Variants in CEP350 observed in about 807,000 individuals in gnomAD.
CEP350 encodes the protein centrosomal protein 350.
Under a neutral mutation model 331.8 loss-of-function variants are expected in CEP350, and 126 were observed. The ratio of observed to expected loss-of-function variants is 0.38; its 90% CI spans 0.33 to 0.44. CEP350 has a LOEUF of 0.44. Ranked by LOEUF, CEP350 falls within the 20% of genes least tolerant of loss-of-function variation. CEP350 has a pLI of 1.00. For missense variants in CEP350, 3,406 were observed against 3,634.6 expected, an observed-to-expected ratio of 0.94 and a Z score of 1.62; for synonymous variants, 1,200 against 1,259.5, an observed-to-expected ratio of 0.95 and a Z score of 1.00.
intron 31 of CEP350, chr1:180,085,915 C>T (rs1220051015): frequency 1.3e-5 from 2 of 152,078 alleles, no homozygotes; most frequent in Admixed American, 1.3e-4. Context: ...TTCATTTAAT[C>T]CTCACAACAA....
rs1414170511 is a variant in CEP350 at position 180,073,993 on chromosome 1, C to A, written c.5568-1029C>A. ...GTTTTGTTTGCTTTTCTCTCTCTCT[C>A]TCTTTTTTTTTAATAGCCTGGAGGC... On this transcript the variant is annotated intron_variant, in intron 27 of 37. Coordinates refer to ENST00000367607, the MANE Select transcript of CEP350 (RefSeq NM_014810.5). 3 of 1,201,046 alleles carry A rather than the reference C, an allele frequency of 2.5e-6. No individual in the cohort carries two copies. The African/African-American group carries it at 4.8e-5, about 19-fold the overall frequency. 74.4% of individuals were successfully genotyped at this position (1,201,046 alleles called of 1,614,324 possible). A position where few individuals can be genotyped will look rare whatever the true frequency, so the allele number is the denominator to read the frequency against.
Position 179,954,846 on chromosome 1 carries a change from A to G in CEP350, c.-310A>G. The G allele has an allele frequency of 2.3e-6, 1 of 433,328 alleles. No individual in the cohort carries two copies. Among genetic ancestry groups the G allele is most frequent in the South Asian group, 5.8e-5 (1 of 17,106 alleles). The allele number at this position is 433,328 out of a possible 1,614,324, so 26.8% of individuals were successfully genotyped here. A position where few individuals can be genotyped will look rare whatever the true frequency, so the allele number is the denominator to read the frequency against. The stretch of plus-strand genomic sequence containing the variant: ...TGTAATGGCGACTGGGCCGCCCCTG[A>G]CGAAGTGACTCCCGGGCCGGGGAGC... On this transcript the variant is annotated 5_prime_UTR_variant, in exon 1 of 38. Transcript: ENST00000367607.
chr1:179,998,303 C>CAA lies in CEP350; in HGVS notation c.1018+1128_1018+1129insAA, dbSNP rs1653611650. Among the ~76,000 whole-genome samples, 68 of 112,066 alleles carry CAA rather than the reference C, an allele frequency of 6.1e-4. No homozygotes were observed. The South Asian group carries it at 0.017, about 28-fold the overall frequency. 73.5% of individuals were successfully genotyped at this position (112,066 alleles called of 152,430 possible). On this transcript the variant is annotated intron_variant, in intron 6 of 37. Coordinates refer to ENST00000367607, the MANE Select transcript of CEP350 (RefSeq NM_014810.5). The stretch of plus-strand genomic sequence containing the variant: ...TATAATAATTTGTTTCTTCTATTTT[C>CAA]TTTTTTTTTTTTTTTTTTTTTTTAA...
At position 180,078,512 on chromosome 1, in the gene CEP350, C is replaced by T; in HGVS notation, c.5817C>T (p.Asn1939=). The change falls in exon 29 of 38, where the codon AAC becomes AAT. Residue 1939 remains asparagine, a synonymous_variant. Coordinates refer to ENST00000367607, the MANE Select transcript of CEP350 (RefSeq NM_014810.5). The part of the protein sequence containing the change: ...ESPVPLYSHL[N]SESSIPEELG... ...CAGTACCTCTGTACTCTCATCTAAA[C>T]AGTGAAAGCTCCATTCCAGAAGAAT... The T allele has an allele frequency of 6.2e-7, 1 of 1,613,554 alleles. No individual in the cohort carries two copies. The highest frequency in any genetic ancestry group is 2.2e-5 in the East Asian group (1 of 44,852).
chr1:180,083,068 A>G (rs779746750), intron 30 of CEP350, among the ~76,000 whole-genome samples: 3 of 152,208 alleles, frequency 2.0e-5, no homozygotes, highest in Non-Finnish European at 4.4e-5. Context: ...CATTTAAATA[A>G]CTTCCATAAC....
intron 14 of CEP350, among the ~76,000 whole-genome samples, chr1:180,027,340 T>C (rs1253132501): frequency 1.3e-5 from 2 of 152,216 alleles, no homozygotes; most frequent in African/African-American, 4.8e-5. Context: ...AAATAAACTC[T>C]AGACCCATTA....
At chr1:180,065,398 G>A (rs760311429) in intron 27 of CEP350, 126 bp downstream of exon 27, 3 of 966,886 alleles carry the variant, frequency 3.1e-6, no homozygotes, top group Non-Finnish European at 4.4e-6. Context: ...TAGCATTTTA[G>A]CAGAATTGTT....
rs756278179 is a variant in CEP350 at position 179,991,707 on chromosome 1, GTA to G, written c.236-338_236-337del. On this transcript the variant is annotated intron_variant, in intron 4 of 37. Coordinates refer to ENST00000367607, the MANE Select transcript of CEP350 (RefSeq NM_014810.5). ...TGTGTGTGTGTGTGTGTGTGTGTGT[GTA>G]TATATATATATATATACATTTTTTT... Among the ~76,000 whole-genome samples, 586 of 96,960 alleles carry G rather than the reference GTA, an allele frequency of 6.0e-3. 6 individuals carry two copies. Among genetic ancestry groups the G allele is most frequent in the African/African-American group, 0.021 (540 of 26,270 alleles). 63.6% of individuals were successfully genotyped at this position (96,960 alleles called of 152,430 possible).
intron 1 of CEP350, among the ~76,000 whole-genome samples, chr1:179,983,939 C>G (rs558940595): frequency 3.5e-4 from 53 of 152,226 alleles, no homozygotes; most frequent in African/African-American, 1.2e-3. Context: ...CTACCAAATT[C>G]AAATTAAAGC....
intron 30 of CEP350, among the ~76,000 whole-genome samples, chr1:180,081,514 C>T (rs1659564378): frequency 6.6e-6 from 1 of 152,136 alleles, no homozygotes; most frequent in African/African-American, 2.4e-5. Flanking sequence ...CATATGTATG[C>T]AGTCATGCAT....
chr1:180,051,254 G>C (rs913907771), intron 22 of CEP350, among the ~76,000 whole-genome samples: 1 of 152,062 alleles, frequency 6.6e-6, no homozygotes. Context: ...ACAGTCCTCC[G>C]CTCTACCAGA....
At chr1:180,005,881 T>TTTAAA (rs1215612400) in intron 7 of CEP350, among the ~76,000 whole-genome samples, 1 of 152,212 alleles carries the variant, frequency 6.6e-6, no homozygotes, top group Non-Finnish European at 1.5e-5. Flanking sequence ...CTACACATAT[T>TTTAAA]TTAAAGTACA....
At chr1:180,008,070 T>C (rs1233391964) in intron 8 of CEP350, among the ~76,000 whole-genome samples, 3 of 152,188 alleles carry the variant, frequency 2.0e-5, no homozygotes, top group Non-Finnish European at 2.9e-5. Flanking sequence ...GTAATTTTTA[T>C]GTTGTGAACT....
chr1:180,050,664 C>CA (rs1657430131), intron 22 of CEP350, among the ~76,000 whole-genome samples: 7 of 55,280 alleles, frequency 1.3e-4, no homozygotes, highest in Non-Finnish European at 1.8e-4. Flanking sequence ...ATTCTGTCTC[C>CA]AAAAAAACCA....
intron 17 of CEP350, among the ~76,000 whole-genome samples, chr1:180,040,843 A>G (rs962376066): frequency 5.3e-5 from 8 of 152,142 alleles, no homozygotes; most frequent in African/African-American, 1.9e-4. Flanking sequence ...TATCCCTTCC[A>G]AAAAGTTGGG....
intron 33 of CEP350, among the ~76,000 whole-genome samples, chr1:180,091,906 G>C (rs899870992): frequency 5.9e-5 from 9 of 151,880 alleles, no homozygotes; most frequent in Non-Finnish European, 1.3e-4. Context: ...TAGAGATTTG[G>C]CCAGGCACAG....
chr1:180,062,232 C>T lies in CEP350; in HGVS notation c.5275C>T (p.Arg1759Cys), dbSNP rs768460326. Reference sequence around the variant, plus strand: ...CTTTAAACCTTAGGCAGAAATAAAACGTCTTCAAGAAGCCAATAAGGCAGC... The same window carrying T: ...CTTTAAACCTTAGGCAGAAATAAAATGTCTTCAAGAAGCCAATAAGGCAGC... ...RLQQEKAEIKRLQEANKAARK... is the reference protein window; with the variant it reads ...RLQQEKAEIKCLQEANKAARK... Residue 1759 changes from arginine (R) to cysteine (C), a missense_variant, in exon 26 of 38, where the codon CGT (arginine) becomes TGT (cysteine). Physicochemically the swap from Arg to Cys is radical, Grantham distance 180. Around this residue, in one of 5 missense-constraint regions of CEP350, gnomAD observed 1,415 missense variants for 1,512.3 expected, o/e 0.94. Coordinates refer to ENST00000367607, the MANE Select transcript of CEP350 (RefSeq NM_014810.5). 1.1e-5 allele frequency: 17 copies of T among 1,608,390 alleles called. No individual in the cohort carries two copies. The highest frequency in any genetic ancestry group is 1.7e-5 in the Admixed American group (1 of 59,304).
At chr1:180,014,548 G>A in intron 10 of CEP350, 43 bp downstream of exon 10, 2 of 1,508,738 alleles carry the variant, frequency 1.3e-6, no homozygotes, top group African/African-American at 2.8e-5. Context: ...TTCATGGTTA[G>A]GAAATGCTTA....
intron 27 of CEP350, among the ~76,000 whole-genome samples, chr1:180,072,527 T>A (rs973423806): frequency 6.6e-6 from 1 of 152,216 alleles, no homozygotes; most frequent in African/African-American, 2.4e-5. Flanking sequence ...AAGTTTATTG[T>A]ACGTTCATAA....
Sources: gnomAD v4.1 joint callset for allele counts (sites outside exome capture counted in the v4.1 genomes callset) on GRCh38, gnomAD v4.1.1 for gene constraint, gnomAD v4.1.1 regional missense constraint, MANE v1.5 for transcripts, NCBI Gene and HGNC (gene_info 2026-07-23, HGNC 2026-07-21) for gene names.